The following PTGS1 variants were observed in gnomAD, a reference collection of about 807,000 sequenced individuals.
PTGS1 encodes the protein prostaglandin-endoperoxide synthase 1.
A neutral mutation model predicts 63.0 loss-of-function variants in PTGS1; 40 were observed. The observed-to-expected ratio is 0.63, with a 90% CI of 0.49 to 0.83. The LOEUF (loss-of-function observed/expected upper bound fraction) is 0.83. Among genes scored for constraint, PTGS1 ranks in the 40% least tolerant of loss-of-function variants. PTGS1 has a pLI of 0.00. For missense variants in PTGS1, 709 were observed against 786.5 expected (o/e 0.90, Z 1.18); for synonymous variants, 298 against 301.9 (o/e 0.99, Z 0.13).
intron 3 of PTGS1, 93 bp downstream of exon 3, chr9:122,378,108 C>T (rs988639284): frequency 7.5e-6 from 9 of 1,202,864 alleles, no homozygotes; most frequent in Non-Finnish European, 1.1e-5. Flanking sequence ...ACCCTCCTCT[C>T]TGACCATGGC....
chr9:122,394,686 A>G lies in PTGS1; in HGVS notation c.*2142A>G, dbSNP rs1838478250. 2 of 152,102 alleles carry G rather than the reference A, an allele frequency of 1.3e-5. No homozygotes were observed. The highest frequency in any genetic ancestry group is 6.6e-5 in the Admixed American group (1 of 15,262). 9.4% of individuals were successfully genotyped at this position (152,102 alleles called of 1,614,324 possible). ...TGGGCCTGTGAATCAATCCTGGGCAATCAGACACCCTCTCCTTAAAAACTG... is the reference window on the plus strand; with the variant it reads ...TGGGCCTGTGAATCAATCCTGGGCAGTCAGACACCCTCTCCTTAAAAACTG... On this transcript the variant is annotated 3_prime_UTR_variant, in exon 11 of 11. Coordinates refer to ENST00000362012, the MANE Select transcript of PTGS1 (RefSeq NM_000962.4).
At chr9:122,391,685 A>G (rs1838294489) in intron 10 of PTGS1, among the ~76,000 whole-genome samples, 1 of 151,526 alleles carries the variant, frequency 6.6e-6, no homozygotes, top group Non-Finnish European at 1.5e-5. Flanking sequence ...CTGGAACAGC[A>G]TCTTATTCTT....
In PTGS1 at chr9:122,371,274, T is replaced by C; in HGVS notation, c.94+2T>C. On this transcript the variant is annotated splice_donor_variant, in intron 2 of 10. Coordinates refer to ENST00000362012, the MANE Select transcript of PTGS1 (RefSeq NM_000962.4). LOFTEE classifies it high-confidence loss of function. ...CGGACCCAGGGGCGCCCACGCCAGGTAGGCGGCCCCATCCCTCCCCAAGGG... is the reference window on the plus strand; with the variant it reads ...CGGACCCAGGGGCGCCCACGCCAGGCAGGCGGCCCCATCCCTCCCCAAGGG... The C allele has an allele frequency of 6.2e-7, 1 of 1,603,856 alleles. No homozygotes were observed. The highest frequency in any genetic ancestry group is 2.2e-5 in the East Asian group (1 of 44,870).
At chr9:122,383,467 G>A in intron 7 of PTGS1, 42 bp from the exon 8 acceptor site, 1 of 1,562,784 alleles carries the variant, frequency 6.4e-7, no homozygotes, top group Non-Finnish European at 8.7e-7. Flanking sequence ...GCAGCTGTGG[G>A]TGACCCCCAA....
chr9:122,384,867 C>A (rs1218405883), intron 8 of PTGS1, among the ~76,000 whole-genome samples: 1 of 152,200 alleles, frequency 6.6e-6, no homozygotes, highest in Non-Finnish European at 1.5e-5. Flanking sequence ...CATATATGGA[C>A]ACCCCGTCTT....
chr9:122,384,392 G>C (rs935719075), intron 8 of PTGS1, among the ~76,000 whole-genome samples: 2 of 152,174 alleles, frequency 1.3e-5, no homozygotes, highest in Non-Finnish European at 2.9e-5. Flanking sequence ...CACTGGGCAT[G>C]GCTGGTCCCA....
chr9:122,374,559 C>G (rs1398179731), intron 2 of PTGS1, among the ~76,000 whole-genome samples: 1 of 152,146 alleles, frequency 6.6e-6, no homozygotes, highest in South Asian at 2.1e-4. Flanking sequence ...GGTTTTCTTT[C>G]TTGATGAACA....
intron 10 of PTGS1, among the ~76,000 whole-genome samples, chr9:122,390,659 A>T (rs1008072904): frequency 6.6e-6 from 1 of 152,132 alleles, no homozygotes; most frequent in Admixed American, 6.5e-5. Flanking sequence ...GCACTTTGGG[A>T]GGCTCAGGCG....
intron 2 of PTGS1, 41 bp downstream of exon 2, chr9:122,371,313 G>C (rs370454899): frequency 5.8e-5 from 93 of 1,599,318 alleles, no homozygotes; most frequent in Non-Finnish European, 7.5e-5. Flanking sequence ...CCCCGGTCTT[G>C]CGCCCCTGGC....
At chr9:122,380,081 G>A (rs7022768) in intron 5 of PTGS1, among the ~76,000 whole-genome samples, 1 of 152,196 alleles carries the variant, frequency 6.6e-6, no homozygotes. Context: ...AAAATAGGTT[G>A]ACACACCTAT....
At chr9:122,383,821 G>A in intron 8 of PTGS1, 66 bp downstream of exon 8, 3 of 1,569,810 alleles carry the variant, frequency 1.9e-6, no homozygotes, top group Non-Finnish European at 2.6e-6. Context: ...TTGGGGGCGG[G>A]GGGGTACTTA....
chr9:122,372,972 A>AG (rs1836896587), intron 2 of PTGS1: 1 of 152,422 alleles, frequency 6.6e-6, no homozygotes, highest in Non-Finnish European at 1.5e-5. Flanking sequence ...AGCTCATGGG[A>AG]GGAAGCAGGG....
chr9:122,374,016 C>T (rs550677945), intron 2 of PTGS1, among the ~76,000 whole-genome samples: 4 of 152,302 alleles, frequency 2.6e-5, no homozygotes, highest in East Asian at 1.9e-4. Context: ...CCCCTAGTCA[C>T]GCTCAGTCCT....
chr9:122,374,604 C>T (rs1564130017), intron 2 of PTGS1, among the ~76,000 whole-genome samples: 2 of 152,148 alleles, frequency 1.3e-5, no homozygotes, highest in Non-Finnish European at 1.5e-5. Flanking sequence ...ACTGAGTTGG[C>T]ATGAAAACAT....
At chr9:122,373,241 G>A (rs1373306080) in intron 2 of PTGS1, among the ~76,000 whole-genome samples, 2 of 152,234 alleles carry the variant, frequency 1.3e-5, no homozygotes, top group Non-Finnish European at 2.9e-5. Context: ...CGAGGCTCCT[G>A]CAAGGATCTA....
At position 122,390,264 on chromosome 9, in the gene PTGS1, C is replaced by T. The variant is rs1235877514; in HGVS notation, c.1363C>T (p.Arg455Trp). 2.5e-6 allele frequency: 4 copies of T among 1,614,010 alleles called. No homozygotes were observed. The highest frequency in any genetic ancestry group is 3.4e-6 in the Non-Finnish European group (4 of 1,180,022). Residue 455 changes from arginine (R) to tryptophan (W), a missense_variant, in exon 10 of 11, where the codon CGG becomes TGG. Physicochemically the swap from Arg to Trp is moderately radical, Grantham distance 101 (BLOSUM62 -3). Transcript: ENST00000362012. ...HVAVDVIRESREMRLQPFNEY... is the reference protein window; with the variant it reads ...HVAVDVIRESWEMRLQPFNEY... ...GGCTGTGGATGTCATCAGGGAGTCT[C>T]GGGAGATGCGGCTGCAGCCCTTCAA...
chr9:122,377,813 C>G, intron 2 of PTGS1, 86 bp from the exon 3 acceptor site: 1 of 1,215,984 alleles, frequency 8.2e-7, no homozygotes. Flanking sequence ...GTCCATGCCT[C>G]TGGCCCCTCA....
At chr9:122,376,486 G>A (rs1031134570) in intron 2 of PTGS1, among the ~76,000 whole-genome samples, 4 of 151,938 alleles carry the variant, frequency 2.6e-5, no homozygotes, top group African/African-American at 9.7e-5. Flanking sequence ...AGGAGACTGA[G>A]ACCAGGGCAG....
rs1449793009 is a variant in PTGS1, at chr9:122,381,272, G to A, written c.497-99G>A. On this transcript the variant is annotated intron_variant, in intron 5 of 10. Transcript: ENST00000362012. ...GGTGGTCCTGAGGAGGCCACTCTGGGCTTCCTGCTTGGGCCAGTTTGCCTG... is the reference window on the plus strand; with the variant it reads ...GGTGGTCCTGAGGAGGCCACTCTGGACTTCCTGCTTGGGCCAGTTTGCCTG... The A allele has an allele frequency of 6.0e-6, 8 of 1,342,188 alleles. No homozygotes were observed. The East Asian group carries it at 2.0e-4, about 34-fold the overall frequency. The allele number at this position is 1,342,188 out of a possible 1,614,324, so 83.1% of individuals were successfully genotyped here. A position where few individuals can be genotyped will look rare whatever the true frequency, so the allele number is the denominator to read the frequency against.
Sources: gnomAD v4.1 joint callset for allele counts (sites outside exome capture counted in the v4.1 genomes callset) on GRCh38, gnomAD v4.1.1 for gene constraint, MANE v1.5 for transcripts, NCBI Gene and HGNC (gene_info 2026-07-23, HGNC 2026-07-21) for gene names.